The following STAB2 variants were observed in gnomAD, a reference collection of about 807,000 sequenced individuals.
The protein encoded by STAB2 is stabilin-2.
In STAB2, 288 loss-of-function variants were observed where a neutral mutation model predicts 338.1. The observed-to-expected ratio is 0.85, with a 90% CI of 0.77 to 0.94. The LOEUF (loss-of-function observed/expected upper bound fraction) is 0.94. Among genes scored for constraint, STAB2 ranks in the 40% least tolerant of loss-of-function variants. The pLI is 0.00. For synonymous variants in STAB2, 1,202 were observed against 1,193.3 expected (o/e 1.01, Z -0.15); for missense variants, 3,141 against 3,210.1 (o/e 0.98, Z 0.52).
chr12:103,633,448 C>T (rs1023462905), intron 6 of STAB2, among the ~76,000 whole-genome samples: 1 of 152,092 alleles, frequency 6.6e-6, no homozygotes. Context: ...TTTGGGAGGC[C>T]GAGGCGGGTG....
intron 3 of STAB2, among the ~76,000 whole-genome samples, chr12:103,607,014 G>GA (rs1491033832): frequency 6.6e-6 from 1 of 151,530 alleles, no homozygotes; most frequent in South Asian, 2.1e-4. Context: ...AAACAAAAAC[G>GA]AAAAAAAAGA....
rs919545258 is a variant in STAB2, at chr12:103,610,719, C to T, written c.332-9749C>T. 4.6e-5 allele frequency among the ~76,000 whole-genome samples: 7 copies of T among 152,062 alleles called. 1 individual carries two copies. The highest frequency in any genetic ancestry group is 3.3e-4 in the Admixed American group (5 of 15,254). On this transcript the variant is annotated intron_variant, in intron 3 of 68. Transcript: ENST00000388887. ...CTGCTCTGATCTTAGTTATTTCTTG[C>T]CTTCTGCTAGCTTTTGAATGTGTTT...
Position 103,699,245 on chromosome 12 carries a change from A to AGGG in STAB2, c.3714+18_3714+19insGGG. 6.3e-7 allele frequency: 1 copy of AGGG among 1,593,350 alleles called. No homozygotes were observed. On this transcript the variant is annotated intron_variant, in intron 34 of 68. Transcript: ENST00000388887. ...ATGACCAGGTACGATCCTTTTATGT[A>AGGG]AAACCCCAGCAATGCCACCGAGAAT...
At chr12:103,684,427 C>T (rs1877211149) in intron 26 of STAB2, among the ~76,000 whole-genome samples, 1 of 152,078 alleles carries the variant, frequency 6.6e-6, no homozygotes, top group Admixed American at 6.6e-5. Context: ...GGGAGATGCC[C>T]CCAAGGTGTC....
At chr12:103,725,679 C>T (rs1243314862) in intron 45 of STAB2, among the ~76,000 whole-genome samples, 2 of 152,128 alleles carry the variant, frequency 1.3e-5, no homozygotes, top group East Asian at 3.9e-4. Context: ...TGTGTGTGTA[C>T]TGAGCATAGT....
At chr12:103,733,427 C>T (rs890797503) in intron 51 of STAB2, among the ~76,000 whole-genome samples, 1 of 152,054 alleles carries the variant, frequency 6.6e-6, no homozygotes, top group African/African-American at 2.4e-5. Flanking sequence ...TAATCAATAC[C>T]CAAGAGCATC....
Position 103,731,474 on chromosome 12 carries a change from G to A in STAB2, c.5224-102G>A, listed in dbSNP as rs561394859. The A allele has an allele frequency of 1.6e-4, 193 of 1,197,362 alleles. 1 individual carries two copies. In the East Asian group the frequency reaches 3.1e-3, roughly 19 times the overall value. The allele number at this position is 1,197,362 out of a possible 1,614,324, so 74.2% of individuals were successfully genotyped here. A position where few individuals can be genotyped will look rare whatever the true frequency, so the allele number is the denominator to read the frequency against. ...TGCTGATGAGCCCATCTATGTATCC[G>A]TCAGGTTATGTTACCTTTACTTTTT... On this transcript the variant is annotated intron_variant, in intron 49 of 68. Transcript: ENST00000388887.
intron 39 of STAB2, chr12:103,711,166 C>A: frequency 1.0e-5 from 4 of 381,092 alleles, no homozygotes; most frequent in Non-Finnish European, 1.9e-5. Context: ...ACATCAACAC[C>A]CAGACCATAA....
intron 27 of STAB2, 90 bp downstream of exon 27, chr12:103,685,174 T>A (rs1307607355): frequency 1.8e-5 from 22 of 1,211,122 alleles, no homozygotes; most frequent in Non-Finnish European, 2.4e-5. Flanking sequence ...TATTGACATA[T>A]CTTTTGCTGC....
chr12:103,609,844 T>C (rs1957093799), intron 3 of STAB2, among the ~76,000 whole-genome samples: 1 of 152,206 alleles, frequency 6.6e-6, no homozygotes, highest in South Asian at 2.1e-4. Context: ...TAGCTCTTAT[T>C]ATTTTGAGAT....
At chr12:103,647,418 A>G (rs1873417411) in intron 9 of STAB2, among the ~76,000 whole-genome samples, 1 of 152,068 alleles carries the variant, frequency 6.6e-6, no homozygotes, top group Non-Finnish European at 1.5e-5. Flanking sequence ...CAAAACTGTG[A>G]TGTAGTCACA....
At chr12:103,635,434 G>A (rs974202167) in intron 6 of STAB2, among the ~76,000 whole-genome samples, 7 of 152,180 alleles carry the variant, frequency 4.6e-5, no homozygotes, top group African/African-American at 1.7e-4. Context: ...GCTTTTCTCT[G>A]TTTCTTAGCC....
chr12:103,659,594 G>T (rs1271713352), intron 15 of STAB2, among the ~76,000 whole-genome samples: 1 of 152,214 alleles, frequency 6.6e-6, no homozygotes. Context: ...GCAGACCACT[G>T]TGGTCACTGC....
rs1881774986 is a variant in STAB2, at chr12:103,733,148, A to G, written c.5426A>G (p.Glu1809Gly). 1 of 1,613,990 alleles carries G rather than the reference A, an allele frequency of 6.2e-7. No homozygotes were observed. Among genetic ancestry groups the G allele is most frequent in the Non-Finnish European group, 8.5e-7 (1 of 1,180,006 alleles). Residue 1809 changes from glutamate (E) to glycine (G), a missense_variant, in exon 51 of 69, where the codon GAG (glutamate) becomes GGG (glycine). Glu to Gly is a moderately conservative substitution (Grantham distance 98, BLOSUM62 -2). Coordinates refer to ENST00000388887, the MANE Select transcript of STAB2 (RefSeq NM_017564.10). ...FNQDNKDKLK[E>G]YLKFHVIRDA... The stretch of plus-strand genomic sequence containing the variant: ...CAAGACAACAAGGACAAGCTGAAGG[A>G]GTATTTGAAGTTTCATGTGATACGA...
At position 103,708,469 on chromosome 12, in the gene STAB2, C is replaced by A. The variant is rs1475311772; in HGVS notation, c.4221C>A (p.Asn1407Lys). 10 of 1,614,088 alleles carry A rather than the reference C, an allele frequency of 6.2e-6. No individual in the cohort carries two copies. The highest frequency in any genetic ancestry group is 7.6e-6 in the Non-Finnish European group (9 of 1,179,972). Residue 1407 changes from asparagine (N) to lysine (K), a missense_variant, in exon 39 of 69, where the codon AAC (asparagine) becomes AAA (lysine). Asn to Lys is a moderately conservative substitution (Grantham distance 94). Coordinates refer to ENST00000388887, the MANE Select transcript of STAB2 (RefSeq NM_017564.10). Reference protein sequence around the residue: ...QACSCVHGRCNQGPLGDGSCD... With the variant: ...QACSCVHGRCKQGPLGDGSCD... ...GTTCTTGTGTCCATGGGAGATGCAACCAAGGACCCTTGGGAGATGGCTCCT... is the reference window on the plus strand; with the variant it reads ...GTTCTTGTGTCCATGGGAGATGCAAACAAGGACCCTTGGGAGATGGCTCCT...
chr12:103,639,752 G>A (rs1458688582), intron 8 of STAB2, among the ~76,000 whole-genome samples: 1 of 149,066 alleles, frequency 6.7e-6, no homozygotes, highest in East Asian at 2.0e-4. Context: ...ATTGTCCAGT[G>A]TGTCCTAGAT....
chr12:103,614,441 G>C (rs1282290315), intron 3 of STAB2, among the ~76,000 whole-genome samples: 1 of 152,186 alleles, frequency 6.6e-6, no homozygotes, highest in Non-Finnish European at 1.5e-5. Flanking sequence ...AGCCACTGGA[G>C]GCTATACCTT....
chr12:103,733,131 C>T lies in STAB2; in HGVS notation c.5409C>T (p.Asn1803=), dbSNP rs1004004276. 1 of 1,614,034 alleles carries T rather than the reference C, an allele frequency of 6.2e-7. No homozygotes were observed. Among genetic ancestry groups the T allele is most frequent in the Non-Finnish European group, 8.5e-7 (1 of 1,180,024 alleles). Reference sequence around the variant, plus strand: ...AGGACTTCCTGTTCAACCAAGACAACAAGGACAAGCTGAAGGAGTATTTGA... The same window carrying T: ...AGGACTTCCTGTTCAACCAAGACAATAAGGACAAGCTGAAGGAGTATTTGA... ...EQQDFLFNQD[N]KDKLKEYLKF... is the part of the protein sequence containing the mutation. Residue 1803 remains asparagine, a synonymous_variant, in exon 51 of 69, where the codon AAC becomes AAT. Coordinates refer to ENST00000388887, the MANE Select transcript of STAB2 (RefSeq NM_017564.10).
chr12:103,677,979 G>A (rs1876543415), intron 25 of STAB2, among the ~76,000 whole-genome samples: 1 of 152,152 alleles, frequency 6.6e-6, no homozygotes, highest in African/African-American at 2.4e-5. Context: ...GGAGGACAAC[G>A]CAGAGAAGGC....
Sources: gnomAD v4.1 joint callset for allele counts (sites outside exome capture counted in the v4.1 genomes callset) on GRCh38, gnomAD v4.1.1 for gene constraint, MANE v1.5 for transcripts, NCBI Gene and HGNC (gene_info 2026-07-23, HGNC 2026-07-21) for gene names.